ADAMTS2: variants seen among roughly 807,000 people sequenced by gnomAD.
The protein encoded by ADAMTS2 is ADAM metallopeptidase with thrombospondin type 1 motif 2, also known as A disintegrin and metalloproteinase with thrombospondin motifs 2.
Under a neutral mutation model 123.0 loss-of-function variants are expected in ADAMTS2, and 50 were observed. The ratio of observed to expected loss-of-function variants is 0.41; its 90% CI spans 0.32 to 0.51. The LOEUF (loss-of-function observed/expected upper bound fraction) is 0.51, where lower values mean the gene tolerates loss of function less well. ADAMTS2 is among the 20% of genes least tolerant of loss of function. The pLI is 0.35. For synonymous variants in ADAMTS2, 678 were observed against 695.4 expected, an observed-to-expected ratio of 0.98 and a Z score of 0.39; for missense variants, 1,494 against 1,705.2, an observed-to-expected ratio of 0.88 and a Z score of 2.18.
intron 2 of ADAMTS2, among the ~76,000 whole-genome samples, chr5:179,281,872 T>C (rs1455507347): frequency 6.6e-6 from 1 of 152,246 alleles, no homozygotes; most frequent in East Asian, 1.9e-4. Context: ...TGTCCCATCA[T>C]GCTTCGGCTT....
chr5:179,300,191 T>C (rs964353019), intron 2 of ADAMTS2, among the ~76,000 whole-genome samples: 1 of 152,090 alleles, frequency 6.6e-6, no homozygotes, highest in Non-Finnish European at 1.5e-5. Flanking sequence ...CAACCTGACT[T>C]CCATCTGTAA....
chr5:179,227,123 A>ATG (rs1554131979), intron 3 of ADAMTS2, among the ~76,000 whole-genome samples: 1 of 14,048 alleles, frequency 7.1e-5, no homozygotes, highest in African/African-American at 2.6e-4. Context: ...GTGTGTACAC[A>ATG]TGTGTATATA....
chr5:179,195,883 C>A (rs953126336), intron 4 of ADAMTS2, among the ~76,000 whole-genome samples: 2 of 152,236 alleles, frequency 1.3e-5, no homozygotes, highest in Non-Finnish European at 2.9e-5. Context: ...TGCCTCCCCC[C>A]ACTTAAGGGA....
intron 2 of ADAMTS2, among the ~76,000 whole-genome samples, chr5:179,282,159 C>A (rs141026509): frequency 3.3e-5 from 5 of 152,306 alleles, no homozygotes; most frequent in African/African-American, 1.2e-4. Context: ...TCCAGTTCAC[C>A]TATTTTTTTC....
At chr5:179,231,553 C>T (rs1288466182) in intron 3 of ADAMTS2, among the ~76,000 whole-genome samples, 2 of 152,208 alleles carry the variant, frequency 1.3e-5, no homozygotes, top group African/African-American at 4.8e-5. Context: ...GTGACCTCTA[C>T]AGTCGCCTAC....
Position 179,209,605 on chromosome 5 carries a change from T to C in ADAMTS2, c.689-1890A>G, listed in dbSNP as rs72818640. 9.6e-4 allele frequency among the ~76,000 whole-genome samples: 140 copies of C among 146,452 alleles called. 1 individual carries two copies. Among genetic ancestry groups the C allele is most frequent in the Non-Finnish European group, 1.1e-3 (73 of 67,128 alleles). On this transcript the variant is annotated intron_variant, in intron 3 of 21. Coordinates refer to ENST00000251582, the MANE Select transcript of ADAMTS2 (RefSeq NM_014244.5). ...ATGTACACACACAGGCACACACACATGCATGTACACAGCAAGGACTTTCCA... is the reference window on the plus strand; with the variant it reads ...ATGTACACACACAGGCACACACACACGCATGTACACAGCAAGGACTTTCCA...
chr5:179,158,552 G>T lies in ADAMTS2; in HGVS notation c.1132+171C>A, dbSNP rs79181144. ...GGACACTGGATTCTCTTCTAATGATGTATTTGTCCATCAGTGCACTGCCCC... is the reference window on the plus strand; with the variant it reads ...GGACACTGGATTCTCTTCTAATGATTTATTTGTCCATCAGTGCACTGCCCC... On this transcript the variant is annotated intron_variant, in intron 6 of 21. Coordinates refer to ENST00000251582, the MANE Select transcript of ADAMTS2 (RefSeq NM_014244.5). The surrounding 1 kb of genome is among the most constrained non-coding windows in gnomAD (Gnocchi z 5.0). Among the ~76,000 whole-genome samples, 175 of 152,312 alleles carry T rather than the reference G, an allele frequency of 1.1e-3. No individual in the cohort carries two copies. The highest frequency in any genetic ancestry group is 3.9e-3 in the African/African-American group (162 of 41,576).
intron 3 of ADAMTS2, among the ~76,000 whole-genome samples, chr5:179,243,449 C>A (rs1435383614): frequency 6.6e-6 from 1 of 152,066 alleles, no homozygotes; most frequent in Non-Finnish European, 1.5e-5. Flanking sequence ...ACCCTGCACA[C>A]GCTCAAGGCT....
intron 2 of ADAMTS2, among the ~76,000 whole-genome samples, chr5:179,300,970 A>T (rs1054447859): frequency 4.6e-5 from 7 of 152,022 alleles, no homozygotes; most frequent in African/African-American, 1.7e-4. Flanking sequence ...GTCCCCACAC[A>T]CTGAGCACAA....
At chr5:179,145,824 A>C (rs964130388) in intron 10 of ADAMTS2, among the ~76,000 whole-genome samples, 4 of 152,176 alleles carry the variant, frequency 2.6e-5, no homozygotes, top group Admixed American at 1.3e-4. Context: ...GAATACACTG[A>C]AAATCACTGA....
intron 10 of ADAMTS2, among the ~76,000 whole-genome samples, chr5:179,148,160 A>AGCAGCACT (rs1355854063): frequency 6.6e-6 from 1 of 152,040 alleles, no homozygotes; most frequent in Non-Finnish European, 1.5e-5. Context: ...CCCCCAGCAC[A>AGCAGCACT]GCAGCACTGC....
At chr5:179,248,644 A>T (rs116430077) in intron 3 of ADAMTS2, among the ~76,000 whole-genome samples, 1,876 of 152,276 alleles carry the variant, frequency 0.012, 19 homozygotes, top group Middle Eastern at 0.031. Flanking sequence ...TACAACAAAG[A>T]ACAGCATTAT....
chr5:179,339,732 G>A (rs1757714234), intron 2 of ADAMTS2, among the ~76,000 whole-genome samples: 1 of 152,182 alleles, frequency 6.6e-6, no homozygotes. Flanking sequence ...TGCCAAGGTG[G>A]GGTGGGAGGA....
chr5:179,345,252 G>GGCGGCGGCA lies in ADAMTS2; in HGVS notation c.68_76dup (p.Leu23_Pro25dup). ...GGGCGGCGGCGGCGGCGGCAGGAGC[G>GGCGGCGGCA]GCGGCGGCAGCAGCAGCAGCAGCAG... On this transcript the variant is annotated inframe_insertion, in exon 1 of 22. Coordinates refer to ENST00000251582, the MANE Select transcript of ADAMTS2 (RefSeq NM_014244.5). The surrounding 1 kb of genome is among the most constrained non-coding windows in gnomAD (Gnocchi z 7.5). 2 of 1,143,606 alleles carry GGCGGCGGCA rather than the reference G, an allele frequency of 1.7e-6. No individual in the cohort carries two copies. The highest frequency in any genetic ancestry group is 2.1e-6 in the Non-Finnish European group (2 of 938,112). The allele number at this position is 1,143,606 out of a possible 1,614,324, so 70.8% of individuals were successfully genotyped here. A position where few individuals can be genotyped will look rare whatever the true frequency, so the allele number is the denominator to read the frequency against.
intron 2 of ADAMTS2, among the ~76,000 whole-genome samples, chr5:179,299,562 TTTA>T (rs1756454736): frequency 7.9e-5 from 2 of 25,362 alleles, no homozygotes; most frequent in Non-Finnish European, 2.4e-4. Flanking sequence ...CACACACACA[TTTA>T]TTATCTGACA....
intron 3 of ADAMTS2, among the ~76,000 whole-genome samples, chr5:179,208,504 G>T (rs1764772864): frequency 6.6e-6 from 1 of 152,180 alleles, no homozygotes; most frequent in African/African-American, 2.4e-5. Context: ...TGCCCCCAGG[G>T]TGTGCCCCTG....
At position 179,256,834 on chromosome 5, in the gene ADAMTS2, G is replaced by A. The variant is rs1766068019; in HGVS notation, c.688+16077C>T. 6.6e-6 allele frequency among the ~76,000 whole-genome samples: 1 copy of A among 152,260 alleles called. No individual in the cohort carries two copies. Among genetic ancestry groups the A allele is most frequent in the African/African-American group, 2.4e-5 (1 of 41,468 alleles). ...GTGTACACTCAACATTTCTGAAGCC[G>A]TTGTACGAGTCAAATAAAACATTGC... On this transcript the variant is annotated intron_variant, in intron 3 of 21. Coordinates refer to ENST00000251582, the MANE Select transcript of ADAMTS2 (RefSeq NM_014244.5). The surrounding 1 kb of genome is among the most constrained non-coding windows in gnomAD (Gnocchi z 4.1).
At chr5:179,152,091 A>T in intron 10 of ADAMTS2, 51 bp downstream of exon 10, 1 of 1,552,034 alleles carries the variant, frequency 6.4e-7, no homozygotes, top group Non-Finnish European at 8.9e-7. Flanking sequence ...GGCACCTAAG[A>T]TTCCTGTCCT....
At chr5:179,122,001 TCCTTTTCTGGGCC>T (rs1762772639) in intron 20 of ADAMTS2, 1 of 364,082 alleles carries the variant, frequency 2.7e-6, no homozygotes, top group Non-Finnish European at 4.9e-6. Context: ...CCCTGCCGCC[TCCTTTTCTGGGCC>T]GGCTCCTCTG....
Sources: gnomAD v4.1 joint callset for allele counts (sites outside exome capture counted in the v4.1 genomes callset) on GRCh38, gnomAD v4.1.1 for gene constraint, Gnocchi (gnomAD v3.1) non-coding constraint, MANE v1.5 for transcripts, NCBI Gene and HGNC (gene_info 2026-07-23, HGNC 2026-07-21) for gene names.